SERPINI1: variants seen among roughly 807,000 people sequenced by gnomAD.
The protein encoded by SERPINI1 is neuroserpin.
SERPINI1 carries 19 observed loss-of-function variants against 41.1 expected under a neutral mutation model. The ratio of observed to expected loss-of-function variants is 0.46; its 90% CI spans 0.32 to 0.68. SERPINI1 has a LOEUF of 0.68. Ranked by LOEUF, SERPINI1 falls within the 30% of genes least tolerant of loss-of-function variation. SERPINI1 has a pLI of 0.03. For synonymous variants in SERPINI1, 138 were observed against 156.6 expected (o/e 0.88, Z 0.89); for missense variants, 460 against 479.2 (o/e 0.96, Z 0.37).
chr3:167,768,001 C>T (rs1726620596), intron 1 of SERPINI1, among the ~76,000 whole-genome samples: 1 of 152,138 alleles, frequency 6.6e-6, no homozygotes, highest in Non-Finnish European at 1.5e-5. Context: ...GTTGATAAAG[C>T]AATGGTAGGG....
intron 1 of SERPINI1, among the ~76,000 whole-genome samples, chr3:167,744,197 C>G (rs1577395744): frequency 6.6e-6 from 1 of 152,032 alleles, no homozygotes; most frequent in South Asian, 2.1e-4. Flanking sequence ...TACTTAATCT[C>G]TCTAAACTTT....
intron 5 of SERPINI1, among the ~76,000 whole-genome samples, chr3:167,796,741 T>C (rs1727727230): frequency 6.6e-6 from 1 of 152,040 alleles, no homozygotes; most frequent in Admixed American, 6.6e-5. Flanking sequence ...CAACATTTTT[T>C]TTTTATCTGG....
chr3:167,771,020 T>G (rs1411647208), intron 1 of SERPINI1, among the ~76,000 whole-genome samples: 1 of 152,212 alleles, frequency 6.6e-6, no homozygotes, highest in Non-Finnish European at 1.5e-5. Flanking sequence ...CTCAGCAGCA[T>G]TTTATCTGTT....
chr3:167,814,243 T>C (rs1053996037), intron 6 of SERPINI1, among the ~76,000 whole-genome samples: 3 of 152,200 alleles, frequency 2.0e-5, no homozygotes, highest in Non-Finnish European at 2.9e-5. Flanking sequence ...ACTATTTAGT[T>C]CATCATAGTA....
chr3:167,762,078 A>G (rs947295162), intron 1 of SERPINI1, among the ~76,000 whole-genome samples: 1 of 152,126 alleles, frequency 6.6e-6, no homozygotes, highest in Non-Finnish European at 1.5e-5. Context: ...GAAGGACCCC[A>G]TGTCCTATTT....
At chr3:167,747,556 A>ATGGCGT (rs1487359180) in intron 1 of SERPINI1, among the ~76,000 whole-genome samples, 1 of 152,202 alleles carries the variant, frequency 6.6e-6, no homozygotes, top group Non-Finnish European at 1.5e-5. Flanking sequence ...AGGCAGGAGA[A>ATGGCGT]TGGCGTGAAC....
intron 4 of SERPINI1, among the ~76,000 whole-genome samples, chr3:167,793,513 G>A (rs1425472087): frequency 6.6e-6 from 1 of 151,078 alleles, no homozygotes; most frequent in Non-Finnish European, 1.5e-5. Context: ...AGAGGTAGGA[G>A]GATTCCTTGA....
Position 167,789,202 on chromosome 3 carries a change from C to A in SERPINI1, c.74C>A (p.Ala25Asp), listed in dbSNP as rs376206610. ...MATGATFPEE[A>D]IADLSVNMYN... is the part of the protein sequence containing the mutation. Reference sequence around the variant, plus strand: ...ACAGGGGCCACTTTCCCTGAGGAAGCCATTGCTGACTTGTCAGTGAATATG... The same window carrying A: ...ACAGGGGCCACTTTCCCTGAGGAAGACATTGCTGACTTGTCAGTGAATATG... Residue 25 changes from alanine to aspartate, a missense_variant, in exon 2 of 9, where the codon GCC becomes GAC. By Grantham distance (126) the Ala-to-Asp change is moderately radical. Transcript: ENST00000446050. 2 of 1,614,036 alleles carry A rather than the reference C, an allele frequency of 1.2e-6. No homozygotes were observed. The highest frequency in any genetic ancestry group is 2.7e-5 in the African/African-American group (2 of 74,938).
intron 1 of SERPINI1, among the ~76,000 whole-genome samples, chr3:167,781,093 C>CCTTTTCT (rs1727107280): frequency 6.6e-6 from 1 of 152,048 alleles, no homozygotes; most frequent in Non-Finnish European, 1.5e-5. Context: ...AGTGTGACCC[C>CCTTTTCT]CTTTTCTTTT....
Position 167,765,851 on chromosome 3 carries a change from A to G in SERPINI1, c.-18-23260A>G, listed in dbSNP as rs182546534. 3.2e-3 allele frequency among the ~76,000 whole-genome samples: 486 copies of G among 152,224 alleles called. 2 individuals are homozygous for G. Among genetic ancestry groups the G allele is most frequent in the African/African-American group, 0.011 (468 of 41,534 alleles). Reference sequence around the variant, plus strand: ...CTCTGTCAAGTTCAAAGTTCCACAGATCTCTAGGGCAGGGGCAAAATGCTG... The same window carrying G: ...CTCTGTCAAGTTCAAAGTTCCACAGGTCTCTAGGGCAGGGGCAAAATGCTG... On this transcript the variant is annotated intron_variant, in intron 1 of 8. Transcript: ENST00000446050.
chr3:167,796,915 G>A (rs1376440092), intron 5 of SERPINI1, among the ~76,000 whole-genome samples: 2 of 152,050 alleles, frequency 1.3e-5, no homozygotes, highest in Admixed American at 6.6e-5. Flanking sequence ...GGTATTTCTG[G>A]TTCTAGATCT....
intron 6 of SERPINI1, among the ~76,000 whole-genome samples, chr3:167,821,417 T>A (rs1206125593): frequency 6.6e-6 from 1 of 152,112 alleles, no homozygotes; most frequent in East Asian, 1.9e-4. Flanking sequence ...GTGCCAGCAG[T>A]GGAAGCTGCT....
At chr3:167,757,510 T>A (rs9811732) in intron 1 of SERPINI1, among the ~76,000 whole-genome samples, 29,739 of 149,332 alleles carry the variant, frequency 0.2, 3,048 homozygotes, top group African/African-American at 0.25. Context: ...TCTCTCTCTC[T>A]CACACACACA....
At chr3:167,815,641 C>T (rs1158980349) in intron 6 of SERPINI1, among the ~76,000 whole-genome samples, 2 of 152,152 alleles carry the variant, frequency 1.3e-5, no homozygotes, top group South Asian at 2.1e-4. Context: ...CTGCCTGCCT[C>T]AGCCTCCCAA....
In SERPINI1 at chr3:167,794,600, G is replaced by A. The variant is rs372974126; in HGVS notation, c.677-20G>A. The stretch of plus-strand genomic sequence containing the variant: ...TTAAGCTTTGATAGGCATCTTTTAT[G>A]GCCTTTATTTTCTTTTTAGGGGAAT... On this transcript the variant is annotated intron_variant, in intron 4 of 8. Coordinates refer to ENST00000446050, the MANE Select transcript of SERPINI1 (RefSeq NM_001122752.2). 11 of 1,607,576 alleles carry A rather than the reference G, an allele frequency of 6.8e-6. No homozygotes were observed. The highest frequency in any genetic ancestry group is 1.3e-5 in the African/African-American group (1 of 74,622).
rs115483272 is a variant in SERPINI1, at chr3:167,821,293, G to A, written c.980-1693G>A. ...GGAGAGAAGAGAGAAGAGAAGTGCC[G>A]TGGCCCTTCAGGGAGCCCAGACCTA... is the stretch of plus-strand genomic sequence containing the variant. On this transcript the variant is annotated intron_variant, in intron 6 of 8. Coordinates refer to ENST00000446050, the MANE Select transcript of SERPINI1 (RefSeq NM_001122752.2). Among the ~76,000 whole-genome samples the A allele has an allele frequency of 4.1e-3, 620 of 152,292 alleles. 3 individuals are homozygous for A. Among genetic ancestry groups the A allele is most frequent in the African/African-American group, 0.014 (599 of 41,576 alleles).
At chr3:167,798,755 C>T (rs538041460) in intron 5 of SERPINI1, among the ~76,000 whole-genome samples, 66 of 152,208 alleles carry the variant, frequency 4.3e-4, no homozygotes, top group Admixed American at 1.1e-3. Flanking sequence ...CCAAATACTG[C>T]ATTTTCTCAC....
At chr3:167,793,596 A>ATATATATTTTTTTTTTT in intron 4 of SERPINI1, among the ~76,000 whole-genome samples, 1 of 140,610 alleles carries the variant, frequency 7.1e-6, no homozygotes, top group Non-Finnish European at 1.5e-5. Context: ...ATATATATAT[A>ATATATATTTTTTTTTTT]TTTTTAATTA....
At chr3:167,762,179 T>A (rs1726404919) in intron 1 of SERPINI1, among the ~76,000 whole-genome samples, 1 of 152,084 alleles carries the variant, frequency 6.6e-6, no homozygotes, top group Non-Finnish European at 1.5e-5. Flanking sequence ...CTTTACCTTT[T>A]CTCCTGTTTC....
Sources: allele counts gnomAD v4.1 joint callset (sites outside exome capture counted in the v4.1 genomes callset), GRCh38; gene constraint gnomAD v4.1.1; transcripts MANE v1.5; gene names NCBI Gene and HGNC (gene_info 2026-07-23, HGNC 2026-07-21).